CLNK: variants seen among roughly 807,000 people sequenced by gnomAD.
CLNK encodes the protein cytokine-dependent hematopoietic cell linker.
Under a neutral mutation model 68.6 loss-of-function variants are expected in CLNK, and 74 were observed. The ratio of observed to expected loss-of-function variants is 1.08; its 90% CI spans 0.89 to 1.31. The LOEUF is 1.31. Among genes scored for constraint, CLNK ranks in the 50% most tolerant of loss-of-function variants. The pLI, the probability that CLNK is intolerant of heterozygous loss-of-function variation, is 0.00. For synonymous variants in CLNK, 198 were observed against 172.2 expected (o/e 1.15, Z -1.17); for missense variants, 553 against 515.3 (o/e 1.07, Z -0.71).
chr4:10,553,890 T>C (rs1232913264), intron 8 of CLNK, among the ~76,000 whole-genome samples: 1 of 152,236 alleles, frequency 6.6e-6, no homozygotes, highest in Non-Finnish European at 1.5e-5. Flanking sequence ...GACATTGCTG[T>C]TCCTTATACT....
chr4:10,698,514 A>T, the CLNK span, among the ~76,000 whole-genome samples: 1 of 152,228 alleles, frequency 6.6e-6, no homozygotes, highest in African/African-American at 2.4e-5. Context: ...AAAATCTGTG[A>T]AGCTAATTTT....
the CLNK span, among the ~76,000 whole-genome samples, chr4:10,702,580 T>C: frequency 6.6e-6 from 1 of 152,228 alleles, no homozygotes; most frequent in Non-Finnish European, 1.5e-5. Context: ...GCTGTGCTTA[T>C]AGAATAGTGA....
chr4:10,630,469 C>T (rs911014682), intron 2 of CLNK, among the ~76,000 whole-genome samples: 1 of 151,972 alleles, frequency 6.6e-6, no homozygotes, highest in Non-Finnish European at 1.5e-5. Flanking sequence ...TCTTTCTGCT[C>T]ACTCTACACC....
At chr4:10,509,507 T>C (rs537491016) in intron 16 of CLNK, among the ~76,000 whole-genome samples, 4 of 148,904 alleles carry the variant, frequency 2.7e-5, no homozygotes, top group Non-Finnish European at 5.9e-5. Flanking sequence ...TGCATCAAGA[T>C]TGGGACCAAA....
chr4:10,632,713 A>G (rs1013478497), intron 2 of CLNK, among the ~76,000 whole-genome samples: 8 of 152,252 alleles, frequency 5.3e-5, no homozygotes, highest in Non-Finnish European at 8.8e-5. Flanking sequence ...ACTATTGAAA[A>G]GATCATGCCA....
intron 2 of CLNK, among the ~76,000 whole-genome samples, chr4:10,657,848 C>A (rs1261545517): frequency 6.6e-6 from 1 of 152,214 alleles, no homozygotes; most frequent in Non-Finnish European, 1.5e-5. Flanking sequence ...TATGAAAAAT[C>A]AAATTCCACC....
intron 2 of CLNK, chr4:10,635,932 C>T (rs905173701): frequency 5.9e-5 from 9 of 152,204 alleles, no homozygotes; most frequent in South Asian, 2.1e-4. Flanking sequence ...GTGCATAAGA[C>T]GCGTTCTCTG....
intron 2 of CLNK, among the ~76,000 whole-genome samples, chr4:10,618,111 A>T (rs1722302795): frequency 6.6e-6 from 1 of 152,220 alleles, no homozygotes; most frequent in Non-Finnish European, 1.5e-5. Context: ...AGAGCCTCAG[A>T]CGGAAAACAA....
At chr4:10,716,544 T>C in the CLNK span, among the ~76,000 whole-genome samples, 1 of 152,208 alleles carries the variant, frequency 6.6e-6, no homozygotes, top group African/African-American at 2.4e-5. Context: ...CTGAGATTTC[T>C]TTCTGTTTTA....
chr4:10,504,835 A>G (rs1286410300), intron 17 of CLNK, among the ~76,000 whole-genome samples: 1 of 152,242 alleles, frequency 6.6e-6, no homozygotes, highest in Admixed American at 6.5e-5. Context: ...ACACATTTTG[A>G]CAGAACTGAG....
chr4:10,552,329 A>G (rs1013333578), intron 8 of CLNK, among the ~76,000 whole-genome samples: 2 of 152,196 alleles, frequency 1.3e-5, no homozygotes, highest in Non-Finnish European at 1.5e-5. Context: ...ATGGGAAGCC[A>G]TCAGGCTGGG....
At chr4:10,545,151 T>G (rs1169395734) in intron 8 of CLNK, among the ~76,000 whole-genome samples, 5 of 152,146 alleles carry the variant, frequency 3.3e-5, no homozygotes, top group African/African-American at 1.2e-4. Flanking sequence ...AATATATTCA[T>G]TCCTCCTTGT....
At chr4:10,668,528 A>C (rs1385171093) in intron 1 of CLNK, among the ~76,000 whole-genome samples, 1 of 152,206 alleles carries the variant, frequency 6.6e-6, no homozygotes, top group Non-Finnish European at 1.5e-5. Context: ...AGGTTCCAGC[A>C]AGAAACAGAT....
intron 8 of CLNK, among the ~76,000 whole-genome samples, chr4:10,545,096 C>G (rs377000627): frequency 6.6e-6 from 1 of 152,120 alleles, no homozygotes; most frequent in Non-Finnish European, 1.5e-5. Context: ...ACATTCAAAC[C>G]AGCATTCCAC....
chr4:10,597,022 C>T (rs539165258), intron 3 of CLNK, among the ~76,000 whole-genome samples: 110 of 152,342 alleles, frequency 7.2e-4, no homozygotes, highest in African/African-American at 2.5e-3. Flanking sequence ...AAATTTCCCT[C>T]TACTCAAAGT....
intron 8 of CLNK, among the ~76,000 whole-genome samples, chr4:10,544,475 G>T (rs919771583): frequency 6.6e-6 from 1 of 152,144 alleles, no homozygotes; most frequent in Admixed American, 6.5e-5. Flanking sequence ...ATAAATAAAC[G>T]TTCATGGGTG....
chr4:10,634,964 C>T (rs1490157378), intron 2 of CLNK, among the ~76,000 whole-genome samples: 1 of 152,148 alleles, frequency 6.6e-6, no homozygotes, highest in African/African-American at 2.4e-5. Context: ...GCATCCTGGC[C>T]CTCCTGATTC....
At chr4:10,556,546 G>A (rs1253860837) in intron 8 of CLNK, among the ~76,000 whole-genome samples, 1 of 152,164 alleles carries the variant, frequency 6.6e-6, no homozygotes, top group Admixed American at 6.5e-5. Context: ...GATGCCCATA[G>A]TGAACTATAA....
chr4:10,506,240 C>T lies in CLNK; in HGVS notation c.984+1719G>A, dbSNP rs566571888. On this transcript the variant is annotated intron_variant, in intron 17 of 18. Transcript: ENST00000226951. Reference sequence around the variant, plus strand: ...CCACATGTAGGTTTGTACTTCCTCACCTTCTTCGAAGTTAAGTTTGGTCAT... The same window carrying T: ...CCACATGTAGGTTTGTACTTCCTCATCTTCTTCGAAGTTAAGTTTGGTCAT... Among the ~76,000 whole-genome samples, 37 of 152,254 alleles carry T rather than the reference C, an allele frequency of 2.4e-4. No homozygotes were observed. In the East Asian group the frequency reaches 6.6e-3, roughly 27 times the overall value.
Sources: allele counts gnomAD v4.1 joint callset (sites outside exome capture counted in the v4.1 genomes callset), GRCh38; gene constraint gnomAD v4.1.1; transcripts MANE v1.5; gene names NCBI Gene and HGNC (gene_info 2026-07-23, HGNC 2026-07-21).